The following MIPOL1 variants were observed in gnomAD, a reference collection of about 807,000 sequenced individuals.
MIPOL1 encodes mirror-image polydactyly 1, also known as mirror-image polydactyly gene 1 protein.
MIPOL1 carries 57 observed loss-of-function variants against 60.9 expected under a neutral mutation model. That is an observed-to-expected ratio of 0.94 (90% CI 0.76 to 1.17). The LOEUF is 1.17. Ranked by LOEUF, MIPOL1 falls within the 50% of genes most tolerant of loss-of-function variation. The pLI is 0.00. For synonymous variants in MIPOL1, 179 were observed against 168.8 expected (o/e 1.06, Z -0.47); for missense variants, 551 against 511.6 (o/e 1.08, Z -0.74).
At chr14:37,202,992 C>G (rs570232991) in intron 1 of MIPOL1, among the ~76,000 whole-genome samples, 1 of 152,212 alleles carries the variant, frequency 6.6e-6, no homozygotes, top group East Asian at 1.9e-4. Context: ...CTACCTGGGA[C>G]TGGGGATGGG....
intron 1 of MIPOL1, among the ~76,000 whole-genome samples, chr14:37,229,416 G>A (rs1301853493): frequency 6.6e-6 from 1 of 152,000 alleles, no homozygotes; most frequent in Non-Finnish European, 1.5e-5. Context: ...TAGAGTGCTG[G>A]GATTACAGGT....
intron 10 of MIPOL1, among the ~76,000 whole-genome samples, chr14:37,416,960 A>G (rs909512105): frequency 4.6e-5 from 7 of 152,138 alleles, no homozygotes; most frequent in African/African-American, 1.4e-4. Flanking sequence ...AGCATTTACT[A>G]TGTCCCAGGC....
chr14:37,391,738 A>G (rs1432401016), intron 10 of MIPOL1, among the ~76,000 whole-genome samples: 1 of 152,100 alleles, frequency 6.6e-6, no homozygotes, highest in Non-Finnish European at 1.5e-5. Flanking sequence ...TTTCAAATCC[A>G]TGTAGAAATT....
At chr14:37,472,754 A>G (rs946813630) in intron 11 of MIPOL1, among the ~76,000 whole-genome samples, 1 of 152,138 alleles carries the variant, frequency 6.6e-6, no homozygotes, top group Non-Finnish European at 1.5e-5. Context: ...CCTCTGAAGC[A>G]ACACAGAATT....
chr14:37,548,563 T>TTG lies in MIPOL1; in HGVS notation c.*1594_*1595dup, dbSNP rs1455860387. ...TAATGATTTGGTCATGCATGGAGTC[T>TTG]TGTCTCTGGGCTCTATTTGAAACGT... On this transcript the variant is annotated 3_prime_UTR_variant, in exon 13 of 13. Transcript: ENST00000684589. The TTG allele has an allele frequency of 6.6e-6, 1 of 151,990 alleles. No homozygotes were observed. Among genetic ancestry groups the TTG allele is most frequent in the East Asian group, 1.9e-4 (1 of 5,196 alleles). 9.4% of individuals were successfully genotyped at this position (151,990 alleles called of 1,614,324 possible). A position where few individuals can be genotyped will look rare whatever the true frequency, so the allele number is the denominator to read the frequency against.
chr14:37,437,652 G>C (rs1292425715), intron 11 of MIPOL1, among the ~76,000 whole-genome samples: 1 of 152,056 alleles, frequency 6.6e-6, no homozygotes, highest in Non-Finnish European at 1.5e-5. Flanking sequence ...GATGGTGCAG[G>C]TTCTGCCTTT....
chr14:37,519,366 C>A (rs1027892926), intron 12 of MIPOL1, among the ~76,000 whole-genome samples: 1 of 152,068 alleles, frequency 6.6e-6, no homozygotes, highest in Admixed American at 6.6e-5. Context: ...GCAGATAGAC[C>A]TAAACCACTC....
At chr14:37,265,382 C>A (rs2082802468) in intron 3 of MIPOL1, 2 of 152,138 alleles carry the variant, frequency 1.3e-5, no homozygotes, top group Admixed American at 1.3e-4. Flanking sequence ...AGTTTGCCAT[C>A]CTCACTGTAC....
chr14:37,266,363 G>A (rs1193776315), intron 3 of MIPOL1, among the ~76,000 whole-genome samples: 1 of 152,102 alleles, frequency 6.6e-6, no homozygotes, highest in Non-Finnish European at 1.5e-5. Context: ...GCATTAGATG[G>A]TCACCATGCT....
At chr14:37,357,627 G>A (rs2091936153) in intron 9 of MIPOL1, among the ~76,000 whole-genome samples, 2 of 152,048 alleles carry the variant, frequency 1.3e-5, no homozygotes, top group African/African-American at 4.8e-5. Context: ...TTCCAATAGA[G>A]TTGTTTGAGC....
intron 10 of MIPOL1, among the ~76,000 whole-genome samples, chr14:37,380,460 G>T (rs2092896441): frequency 6.6e-6 from 1 of 152,048 alleles, no homozygotes; most frequent in African/African-American, 2.4e-5. Context: ...TATAACACCA[G>T]GTATAGTCAA....
At chr14:37,509,040 A>G (rs1241938861) in intron 12 of MIPOL1, among the ~76,000 whole-genome samples, 1 of 152,020 alleles carries the variant, frequency 6.6e-6, no homozygotes, top group African/African-American at 2.4e-5. Context: ...TCTCCCAGCT[A>G]TCCGAACATA....
intron 7 of MIPOL1, among the ~76,000 whole-genome samples, chr14:37,287,105 G>GT: frequency 6.6e-6 from 1 of 151,904 alleles, no homozygotes; most frequent in Admixed American, 6.6e-5. Context: ...TTAAGGCTCA[G>GT]TTTTTTTGGT....
chr14:37,437,922 C>CT (rs1330082292), intron 11 of MIPOL1, among the ~76,000 whole-genome samples: 4 of 151,854 alleles, frequency 2.6e-5, no homozygotes, highest in Non-Finnish European at 2.9e-5. Context: ...ACATTTATAA[C>CT]TTTTTTTTAG....
chr14:37,315,103 A>C (rs185346422), intron 9 of MIPOL1, among the ~76,000 whole-genome samples: 205 of 152,244 alleles, frequency 1.3e-3, no homozygotes, highest in African/African-American at 4.8e-3. Flanking sequence ...TGGGATTATC[A>C]CTTTAAATAG....
chr14:37,536,483 G>C (rs10133438), intron 12 of MIPOL1, among the ~76,000 whole-genome samples: 1 of 152,006 alleles, frequency 6.6e-6, no homozygotes, highest in African/African-American at 2.4e-5. Flanking sequence ...TGCCTTTTTG[G>C]GAATCACATA....
At chr14:37,265,816 A>T (rs889653887) in intron 3 of MIPOL1, among the ~76,000 whole-genome samples, 1 of 152,094 alleles carries the variant, frequency 6.6e-6, no homozygotes, top group Non-Finnish European at 1.5e-5. Flanking sequence ...CATTTTTTTT[A>T]AATAAATTTT....
chr14:37,504,920 T>TTGGTG (rs2095260873), intron 12 of MIPOL1: 2 of 152,062 alleles, frequency 1.3e-5, no homozygotes, highest in Non-Finnish European at 2.9e-5. Context: ...ACAAAGGGGA[T>TTGGTG]ATCACCACCA....
intron 1 of MIPOL1, among the ~76,000 whole-genome samples, chr14:37,216,313 T>G (rs1567021549): frequency 6.6e-6 from 1 of 152,102 alleles, no homozygotes; most frequent in African/African-American, 2.4e-5. Flanking sequence ...GAGAGAGAGA[T>G]AGGCTTCAAT....
Sources: allele counts gnomAD v4.1 joint callset (sites outside exome capture counted in the v4.1 genomes callset), GRCh38; gene constraint gnomAD v4.1.1; transcripts MANE v1.5; gene names NCBI Gene and HGNC (gene_info 2026-07-23, HGNC 2026-07-21).